The following SEMA6D variants were observed in gnomAD, a reference collection of about 807,000 sequenced individuals.
SEMA6D encodes the protein semaphorin-6D.
SEMA6D carries 35 observed loss-of-function variants against 106.6 expected under a neutral mutation model. The observed-to-expected ratio is 0.33, with a 90% CI of 0.25 to 0.44. SEMA6D has a LOEUF of 0.44. Among genes scored for constraint, SEMA6D ranks in the 20% least tolerant of loss-of-function variants. SEMA6D has a pLI of 1.00. For missense variants in SEMA6D, 1,185 were observed against 1,345.9 expected, an observed-to-expected ratio of 0.88 and a Z score of 1.87; for synonymous variants, 499 against 487.7, an observed-to-expected ratio of 1.02 and a Z score of -0.31.
chr15:47,400,077 G>T (rs2040348109), intron 1 of SEMA6D, among the ~76,000 whole-genome samples: 1 of 152,202 alleles, frequency 6.6e-6, no homozygotes, highest in Non-Finnish European at 1.5e-5. Context: ...AAGAGTTCAA[G>T]TTAGCCCTAT....
chr15:47,302,700 G>A (rs572422473), intron 1 of SEMA6D, among the ~76,000 whole-genome samples: 4 of 152,274 alleles, frequency 2.6e-5, no homozygotes, highest in Non-Finnish European at 2.9e-5. Context: ...ACTTGTCTTC[G>A]ACAGATTTGA....
intron 4 of SEMA6D, among the ~76,000 whole-genome samples, chr15:47,709,120 AGAGT>A (rs1018514680): frequency 6.6e-6 from 1 of 152,148 alleles, no homozygotes; most frequent in Non-Finnish European, 1.5e-5. Flanking sequence ...AAGAGGGAAG[AGAGT>A]GGGTGGTGAT....
At chr15:47,284,386 C>T (rs755270732) in intron 1 of SEMA6D, among the ~76,000 whole-genome samples, 53 of 152,252 alleles carry the variant, frequency 3.5e-4, no homozygotes, top group Non-Finnish European at 5.7e-4. Flanking sequence ...CACTGGGCCC[C>T]CGTTTCTTAA....
upstream of SEMA6D, among the ~76,000 whole-genome samples, chr15:47,714,799 C>T (rs766256007): frequency 6.6e-6 from 1 of 152,184 alleles, no homozygotes; most frequent in Admixed American, 6.5e-5. Flanking sequence ...TGACTGTATT[C>T]TCTGGTTTAG....
intron 2 of SEMA6D, among the ~76,000 whole-genome samples, chr15:47,425,487 C>T (rs1205895568): frequency 6.6e-6 from 1 of 151,990 alleles, no homozygotes; most frequent in Non-Finnish European, 1.5e-5. Flanking sequence ...ATGTTTGATC[C>T]ATGTTGGCCT....
chr15:47,380,374 TCTAAGG>T (rs1248463081), intron 1 of SEMA6D: 1 of 152,208 alleles, frequency 6.6e-6, no homozygotes, highest in Non-Finnish European at 1.5e-5. Context: ...GAATCAGAAC[TCTAAGG>T]CACTTGCTAA....
At chr15:47,369,648 A>G (rs565663719) in intron 1 of SEMA6D, among the ~76,000 whole-genome samples, 10 of 152,396 alleles carry the variant, frequency 6.6e-5, no homozygotes, top group African/African-American at 2.4e-4. Context: ...GTTACAATAT[A>G]CATAAAAGGT....
intron 3 of SEMA6D, among the ~76,000 whole-genome samples, chr15:47,514,904 GA>G (rs764971072): frequency 3.9e-5 from 6 of 152,050 alleles, no homozygotes; most frequent in Non-Finnish European, 8.8e-5. Flanking sequence ...AGACCAAGTG[GA>G]TATGACTCTT....
At chr15:47,609,207 G>T (rs1282429855) in intron 4 of SEMA6D, among the ~76,000 whole-genome samples, 26 of 152,116 alleles carry the variant, frequency 1.7e-4, no homozygotes, top group Non-Finnish European at 1.5e-5. Flanking sequence ...TAACTTTTGC[G>T]TCTATGTTAC....
chr15:47,364,311 C>G (rs1030897888), intron 1 of SEMA6D, among the ~76,000 whole-genome samples: 1 of 152,170 alleles, frequency 6.6e-6, no homozygotes, highest in Non-Finnish European at 1.5e-5. Context: ...AATGCATGAG[C>G]AGCAGGAGCT....
At chr15:47,494,602 T>C (rs2043577099) in intron 3 of SEMA6D, among the ~76,000 whole-genome samples, 1 of 151,146 alleles carries the variant, frequency 6.6e-6, no homozygotes, top group Non-Finnish European at 1.5e-5. Flanking sequence ...GAATAGTTAT[T>C]ATAATGTATT....
chr15:47,406,967 C>T (rs1430860614), intron 1 of SEMA6D, among the ~76,000 whole-genome samples: 1 of 152,008 alleles, frequency 6.6e-6, no homozygotes, highest in African/African-American at 2.4e-5. Flanking sequence ...AAAACAACAA[C>T]AACAACAACA....
chr15:47,760,216 C>A, intron 2 of SEMA6D, 88 bp from the exon 3 acceptor site: 2 of 892,478 alleles, frequency 2.2e-6, no homozygotes, highest in African/African-American at 1.7e-5. Flanking sequence ...AACCCTTCTA[C>A]AACAAGTATA....
In SEMA6D at chr15:47,770,609, A is replaced by G. The variant is rs1364479748; in HGVS notation, c.2046A>G (p.Ala682=). The G allele has an allele frequency of 6.2e-7, 1 of 1,614,082 alleles. No homozygotes were observed. Among genetic ancestry groups the G allele is most frequent in the Admixed American group, 1.7e-5 (1 of 60,006 alleles). Residue 682 remains alanine, a synonymous_variant, in exon 19 of 19, where the codon GCA becomes GCG. Transcript: ENST00000536845. ...FVLGAFIAGV[A]VYCYRDMFVR... ...TGGGGGCATTCATTGCAGGTGTGGC[A>G]GTATACTGCTATCGAGACATGTTTG...
chr15:47,536,878 G>T (rs1797233), intron 3 of SEMA6D, among the ~76,000 whole-genome samples: 61,860 of 151,966 alleles, frequency 0.41, 13,173 homozygotes, highest in African/African-American at 0.53. Flanking sequence ...TGAATATTTA[G>T]GGAGTAATTT....
chr15:47,464,349 G>A (rs1214734005), intron 2 of SEMA6D, among the ~76,000 whole-genome samples: 1 of 152,012 alleles, frequency 6.6e-6, no homozygotes, highest in Middle Eastern at 3.2e-3. Context: ...AATAAATTCA[G>A]CCCCTGCAGC....
intron 1 of SEMA6D, among the ~76,000 whole-genome samples, chr15:47,377,453 G>A (rs367631037): frequency 6.6e-5 from 10 of 152,196 alleles, no homozygotes; most frequent in East Asian, 5.8e-4. Flanking sequence ...TTGGGATCGG[G>A]GTGGATGGGG....
intron 1 of SEMA6D, among the ~76,000 whole-genome samples, chr15:47,400,697 C>G (rs2040370568): frequency 6.6e-6 from 1 of 152,166 alleles, no homozygotes; most frequent in Non-Finnish European, 1.5e-5. Flanking sequence ...TGAACCTACT[C>G]TTCGAAGGAT....
chr15:47,584,871 T>C (rs570986466), intron 3 of SEMA6D, among the ~76,000 whole-genome samples: 1 of 152,200 alleles, frequency 6.6e-6, no homozygotes, highest in African/African-American at 2.4e-5. Flanking sequence ...AGCAATCACC[T>C]TGCTCCAGGG....
Sources: allele counts gnomAD v4.1 joint callset (sites outside exome capture counted in the v4.1 genomes callset), GRCh38; gene constraint gnomAD v4.1.1; transcripts MANE v1.5; gene names NCBI Gene and HGNC (gene_info 2026-07-23, HGNC 2026-07-21).